Variants in SLC24A2 observed in about 807,000 individuals in gnomAD.
SLC24A2 encodes the protein sodium/potassium/calcium exchanger 2.
In SLC24A2, 36 loss-of-function variants were observed where a neutral mutation model predicts 62.0. The ratio of observed to expected loss-of-function variants is 0.58; its 90% confidence interval spans 0.44 to 0.77. The LOEUF (loss-of-function observed/expected upper bound fraction) is 0.77, where lower values mean the gene tolerates loss of function less well. Among genes scored for constraint, SLC24A2 ranks in the 30% least tolerant of loss-of-function variants. SLC24A2 has a pLI of 0.00. For missense variants in SLC24A2, 846 were observed against 817.9 expected (o/e 1.03, Z -0.42); for synonymous variants, 358 against 294.0 (o/e 1.22, Z -2.23).
chr9:20,075,559 C>G, the SLC24A2 span, among the ~76,000 whole-genome samples: 1 of 152,126 alleles, frequency 6.6e-6, no homozygotes, highest in Non-Finnish European at 1.5e-5. Flanking sequence ...CTCACACTTC[C>G]CTCCTTCACC....
At chr9:19,799,606 T>TG in the SLC24A2 span, among the ~76,000 whole-genome samples, 4 of 152,234 alleles carry the variant, frequency 2.6e-5, no homozygotes, top group Non-Finnish European at 5.9e-5. Flanking sequence ...ATAGATCCTC[T>TG]GCATGAGCCA....
intron 2 of SLC24A2, among the ~76,000 whole-genome samples, chr9:19,730,869 T>A (rs1359446160): frequency 8.1e-6 from 1 of 123,356 alleles, no homozygotes. Context: ...TTAAATCCTA[T>A]AACTCTTAGG....
chr9:19,890,920 G>A, the SLC24A2 span, among the ~76,000 whole-genome samples: 1 of 152,036 alleles, frequency 6.6e-6, no homozygotes, highest in Non-Finnish European at 1.5e-5. Context: ...TTTTCCACTT[G>A]GATGTCTGAT....
At chr9:19,988,885 G>A in the SLC24A2 span, among the ~76,000 whole-genome samples, 669 of 152,194 alleles carry the variant, frequency 4.4e-3, 2 homozygotes, top group African/African-American at 0.015. Context: ...TAAACATTTT[G>A]GTTAAAACTT....
At chr9:20,184,487 C>A in the SLC24A2 span, among the ~76,000 whole-genome samples, 1 of 152,106 alleles carries the variant, frequency 6.6e-6, no homozygotes, top group Non-Finnish European at 1.5e-5. Context: ...AGGTGGAGGT[C>A]TCAGTGAGCT....
rs961676438 is a variant in SLC24A2, at chr9:19,788,934, C to A, written c.-203G>T. Reference sequence around the variant, plus strand: ...CACGGCGGGGCCCCCGAGCGCGGCCCGCCGCTCCAGTCCGCCGGCCCTCCG... The same window carrying A: ...CACGGCGGGGCCCCCGAGCGCGGCCAGCCGCTCCAGTCCGCCGGCCCTCCG... On this transcript the variant is annotated 5_prime_UTR_variant, in exon 1 of 11. Transcript: ENST00000341998. 4.1e-6 allele frequency: 4 copies of A among 985,072 alleles called. No individual in the cohort carries two copies. The highest frequency in any genetic ancestry group is 1.2e-4 in the Admixed American group (2 of 16,266). 61.0% of individuals were successfully genotyped at this position (985,072 alleles called of 1,614,324 possible). A position where few individuals can be genotyped will look rare whatever the true frequency, so the allele number is the denominator to read the frequency against.
the SLC24A2 span, among the ~76,000 whole-genome samples, chr9:20,205,434 G>C: frequency 8.6e-4 from 131 of 152,048 alleles, no homozygotes; most frequent in African/African-American, 3.0e-3. Flanking sequence ...GGATTACAAG[G>C]TCAGGAGATC....
the SLC24A2 span, among the ~76,000 whole-genome samples, chr9:20,191,889 A>T: frequency 6.6e-6 from 1 of 152,172 alleles, no homozygotes; most frequent in African/African-American, 2.4e-5. Flanking sequence ...GGGTACACAC[A>T]TGTTTATGAA....
At chr9:20,133,842 G>A in the SLC24A2 span, among the ~76,000 whole-genome samples, 4 of 151,968 alleles carry the variant, frequency 2.6e-5, no homozygotes, top group African/African-American at 4.8e-5. Flanking sequence ...TTCACAAGTG[G>A]GTCAGAAAAA....
At chr9:20,274,755 G>A in the SLC24A2 span, among the ~76,000 whole-genome samples, 2 of 152,098 alleles carry the variant, frequency 1.3e-5, no homozygotes, top group Non-Finnish European at 2.9e-5. Context: ...CCCAAGGATA[G>A]TGGACCATGG....
intron 2 of SLC24A2, among the ~76,000 whole-genome samples, chr9:19,625,227 G>C (rs1440318594): frequency 6.6e-6 from 1 of 152,034 alleles, no homozygotes; most frequent in Non-Finnish European, 1.5e-5. Context: ...CCACTCATTT[G>C]GGCTGTATTA....
At chr9:19,805,771 T>C in the SLC24A2 span, among the ~76,000 whole-genome samples, 2 of 151,896 alleles carry the variant, frequency 1.3e-5, no homozygotes, top group African/African-American at 4.8e-5. Flanking sequence ...TTTTTTTTTT[T>C]TTCCACTGTT....
intron 2 of SLC24A2, among the ~76,000 whole-genome samples, chr9:19,706,540 C>A (rs200055994): frequency 3.3e-5 from 5 of 151,916 alleles, no homozygotes; most frequent in Non-Finnish European, 5.9e-5. Context: ...CCACCATGCC[C>A]GGCTAATTTT....
At chr9:20,072,735 G>C in the SLC24A2 span, among the ~76,000 whole-genome samples, 6 of 151,894 alleles carry the variant, frequency 4.0e-5, no homozygotes, top group African/African-American at 1.2e-4. Context: ...GTAGAGAGTA[G>C]AGTCCCACCC....
chr9:19,526,642 G>GT (rs1833458552), intron 9 of SLC24A2, among the ~76,000 whole-genome samples: 1 of 152,074 alleles, frequency 6.6e-6, no homozygotes, highest in Non-Finnish European at 1.5e-5. Context: ...AGCCATCTGC[G>GT]TATTTTCTTT....
the SLC24A2 span, among the ~76,000 whole-genome samples, chr9:19,820,605 C>T: frequency 6.6e-6 from 1 of 151,364 alleles, no homozygotes; most frequent in African/African-American, 2.4e-5. Flanking sequence ...AATAGAAAAA[C>T]TTTAATTAAA....
At chr9:20,272,832 C>T in the SLC24A2 span, among the ~76,000 whole-genome samples, 1 of 152,148 alleles carries the variant, frequency 6.6e-6, no homozygotes, top group Admixed American at 6.5e-5. Flanking sequence ...ACTGAGAATG[C>T]ATGGGAAGCT....
At chr9:19,852,722 G>C in the SLC24A2 span, among the ~76,000 whole-genome samples, 1 of 152,078 alleles carries the variant, frequency 6.6e-6, no homozygotes, top group African/African-American at 2.4e-5. Flanking sequence ...GGTTACTGTA[G>C]CCTGGTAGTA....
the SLC24A2 span, among the ~76,000 whole-genome samples, chr9:19,910,077 TC>T: frequency 6.6e-6 from 1 of 152,118 alleles, no homozygotes; most frequent in Non-Finnish European, 1.5e-5. Flanking sequence ...GTAATCTCTG[TC>T]TTCCTGAAAT....
Sources: allele counts gnomAD v4.1 joint callset (sites outside exome capture counted in the v4.1 genomes callset), GRCh38; gene constraint gnomAD v4.1.1; transcripts MANE v1.5; gene names NCBI Gene and HGNC (gene_info 2026-07-23, HGNC 2026-07-21).